The following FSTL5 variants were observed in gnomAD, a reference collection of about 807,000 sequenced individuals.
The protein encoded by FSTL5 is follistatin-related protein 5.
A neutral mutation model predicts 89.1 loss-of-function variants in FSTL5; 62 were observed. The ratio of observed to expected loss-of-function variants is 0.70; its 90% confidence interval spans 0.57 to 0.86. The LOEUF (loss-of-function observed/expected upper bound fraction) is 0.86. Ranked by LOEUF, FSTL5 falls within the 40% of genes least tolerant of loss-of-function variation. The pLI is 0.00. For synonymous variants in FSTL5, 383 were observed against 346.2 expected, an observed-to-expected ratio of 1.11 and a Z score of -1.18; for missense variants, 1,057 against 1,001.6, an observed-to-expected ratio of 1.06 and a Z score of -0.75.
At chr4:162,051,696 C>T in intron 2 of FSTL5, among the ~76,000 whole-genome samples, 1 of 151,090 alleles carries the variant, frequency 6.6e-6, no homozygotes, top group East Asian at 1.9e-4. Context: ...GAGAGTAGCA[C>T]ACTATAAACA....
intron 12 of FSTL5, among the ~76,000 whole-genome samples, chr4:161,494,387 T>C (rs1560922570): frequency 6.6e-6 from 1 of 152,146 alleles, no homozygotes; most frequent in Non-Finnish European, 1.5e-5. Context: ...AAATGACTAT[T>C]TTTGAGGACC....
chr4:161,863,789 T>C (rs915695410), intron 4 of FSTL5, among the ~76,000 whole-genome samples: 4 of 152,148 alleles, frequency 2.6e-5, no homozygotes, highest in Admixed American at 2.0e-4. Context: ...CCAACAGCCA[T>C]TTCTCCAGGA....
At chr4:161,841,037 A>AGGTGCTCTTC (rs1330511445) in intron 4 of FSTL5, among the ~76,000 whole-genome samples, 3 of 152,190 alleles carry the variant, frequency 2.0e-5, no homozygotes, top group African/African-American at 7.2e-5. Context: ...TTTCTGTCAA[A>AGGTGCTCTTC]GGTGCTCTTC....
At chr4:161,741,472 T>C (rs1285297430) in intron 6 of FSTL5, among the ~76,000 whole-genome samples, 3 of 151,958 alleles carry the variant, frequency 2.0e-5, no homozygotes, top group Non-Finnish European at 2.9e-5. Context: ...TACTGACTCC[T>C]TGATTTTTTA....
chr4:161,525,549 G>T (rs946429288), intron 10 of FSTL5, among the ~76,000 whole-genome samples: 4 of 151,888 alleles, frequency 2.6e-5, no homozygotes, highest in African/African-American at 9.7e-5. Flanking sequence ...AAATCAGTTT[G>T]GTTCAATACA....
At chr4:161,697,937 A>AGG (rs1311864332) in intron 6 of FSTL5, among the ~76,000 whole-genome samples, 2 of 130,296 alleles carry the variant, frequency 1.5e-5, no homozygotes, top group East Asian at 3.2e-4. Flanking sequence ...AAATATGGGA[A>AGG]GGTGTGTGTG....
intron 12 of FSTL5, among the ~76,000 whole-genome samples, chr4:161,484,987 GA>G (rs144960772): frequency 0.029 from 4,404 of 151,870 alleles, 149 homozygotes; most frequent in East Asian, 0.13. Flanking sequence ...TTAATGGTTG[GA>G]AAAAAATAAG....
chr4:162,025,440 TA>T (rs1737243472), intron 3 of FSTL5, among the ~76,000 whole-genome samples: 1 of 152,078 alleles, frequency 6.6e-6, no homozygotes, highest in Non-Finnish European at 1.5e-5. Context: ...CATTACAGGT[TA>T]GAAAGGGAGA....
intron 12 of FSTL5, among the ~76,000 whole-genome samples, chr4:161,491,879 C>A (rs1729889892): frequency 6.6e-6 from 1 of 151,798 alleles, no homozygotes; most frequent in South Asian, 2.1e-4. Context: ...CAAATAGGTC[C>A]CATTCCCCAT....
intron 8 of FSTL5, among the ~76,000 whole-genome samples, chr4:161,559,850 A>T (rs763190619): frequency 6.6e-6 from 1 of 151,864 alleles, no homozygotes; most frequent in Admixed American, 6.6e-5. Flanking sequence ...GCTATAGCCT[A>T]TTTACACACC....
At chr4:161,723,892 C>T (rs1240321478) in intron 6 of FSTL5, among the ~76,000 whole-genome samples, 1 of 152,014 alleles carries the variant, frequency 6.6e-6, no homozygotes, top group African/African-American at 2.4e-5. Flanking sequence ...AATAATTCTA[C>T]ACACAAAAAA....
At chr4:161,916,273 A>G (rs1250003110) in intron 4 of FSTL5, among the ~76,000 whole-genome samples, 4 of 152,158 alleles carry the variant, frequency 2.6e-5, no homozygotes, top group African/African-American at 7.2e-5. Context: ...TGACTCTCAT[A>G]AAAGGTTTAA....
At chr4:161,961,189 C>G (rs970626314) in intron 3 of FSTL5, among the ~76,000 whole-genome samples, 1 of 151,966 alleles carries the variant, frequency 6.6e-6, no homozygotes, top group Non-Finnish European at 1.5e-5. Context: ...GTCTCTGTAC[C>G]CTTGAACTAT....
chr4:162,024,537 T>A (rs967550406), intron 3 of FSTL5, among the ~76,000 whole-genome samples: 1 of 152,210 alleles, frequency 6.6e-6, no homozygotes, highest in Non-Finnish European at 1.5e-5. Flanking sequence ...CCACAACATT[T>A]GGGGCACACA....
At chr4:161,995,478 G>A (rs536268080) in intron 3 of FSTL5, among the ~76,000 whole-genome samples, 11 of 152,112 alleles carry the variant, frequency 7.2e-5, no homozygotes, top group African/African-American at 1.4e-4. Context: ...CCCTTTGAGC[G>A]ACTGACCTTC....
At chr4:161,643,276 ACCTTT>A (rs1190804257) in intron 7 of FSTL5, among the ~76,000 whole-genome samples, 2 of 152,020 alleles carry the variant, frequency 1.3e-5, no homozygotes, top group African/African-American at 4.8e-5. Context: ...CACTGAATGT[ACCTTT>A]CTCTCTCAAG....
At chr4:162,124,654 ACT>A (rs755887156) in intron 1 of FSTL5, among the ~76,000 whole-genome samples, 3 of 152,008 alleles carry the variant, frequency 2.0e-5, no homozygotes, top group African/African-American at 7.3e-5. Flanking sequence ...CTGGCTGGAG[ACT>A]CTATCAAAAC....
At chr4:161,473,675 C>G (rs997265257) in intron 13 of FSTL5, among the ~76,000 whole-genome samples, 17 of 152,166 alleles carry the variant, frequency 1.1e-4, no homozygotes, top group African/African-American at 3.9e-4. Context: ...CACACACTGC[C>G]CCTGTCCTGG....
At chr4:162,087,623 G>A (rs1022313274) in intron 2 of FSTL5, among the ~76,000 whole-genome samples, 6 of 152,022 alleles carry the variant, frequency 3.9e-5, no homozygotes, top group Non-Finnish European at 5.9e-5. Context: ...TGGAATTCTG[G>A]GGCATTTGTG....
Sources: allele counts gnomAD v4.1 joint callset (sites outside exome capture counted in the v4.1 genomes callset), GRCh38; gene constraint gnomAD v4.1.1; transcripts MANE v1.5; gene names NCBI Gene and HGNC (gene_info 2026-07-23, HGNC 2026-07-21).